The following YIPF5 variants were observed in gnomAD, a reference collection of about 807,000 sequenced individuals.
YIPF5 encodes the protein protein YIPF5.
YIPF5 carries 8 observed loss-of-function variants against 30.4 expected under a neutral mutation model. The ratio of observed to expected loss-of-function variants is 0.26; its 90% CI spans 0.15 to 0.47. The LOEUF (loss-of-function observed/expected upper bound fraction) is 0.47. Among genes scored for constraint, YIPF5 ranks in the 20% least tolerant of loss-of-function variants. YIPF5 has a pLI of 0.99. For synonymous variants in YIPF5, 104 were observed against 107.9 expected (o/e 0.96, Z 0.23); for missense variants, 282 against 301.8 (o/e 0.93, Z 0.49).
In YIPF5 at chr5:144,164,136, A is replaced by G; in HGVS notation, c.404T>C (p.Leu135Pro). ...CAGTAGCAATGTGGCTCCAAAAGCA[A>G]GGCAAAAAACCATTGGACCTGCCAA... is the stretch of plus-strand genomic sequence containing the variant. Reference protein sequence around the residue: ...TDLAGPMVFCLAFGATLLLAG... With the variant: ...TDLAGPMVFCPAFGATLLLAG... The change falls in exon 4 of 6, where the codon CTT becomes CCT. Residue 135 changes from leucine to proline, a missense_variant. Physicochemically the swap from Leu to Pro is moderately conservative, Grantham distance 98 (BLOSUM62 -3). Transcript: ENST00000274496. The G allele has an allele frequency of 6.2e-7, 1 of 1,612,772 alleles. No individual in the cohort carries two copies. The highest frequency in any genetic ancestry group is 8.5e-7 in the Non-Finnish European group (1 of 1,179,552).
chr5:144,160,626 C>G (rs951461981), intron 5 of YIPF5, 67 bp from the exon 6 acceptor site: 1 of 1,273,466 alleles, frequency 7.9e-7, no homozygotes, highest in Non-Finnish European at 1.1e-6. Flanking sequence ...TGTAAGAATA[C>G]TACAATAACC....
intron 5 of YIPF5, 113 bp from the exon 6 acceptor site, chr5:144,160,672 G>T: frequency 2.2e-6 from 2 of 903,316 alleles, no homozygotes; most frequent in Non-Finnish European, 1.5e-6. Flanking sequence ...TTTTAAATCT[G>T]CAAGTAGACA....
At chr5:144,166,223 T>C (rs769475076) in intron 2 of YIPF5, among the ~76,000 whole-genome samples, 4 of 152,316 alleles carry the variant, frequency 2.6e-5, no homozygotes, top group African/African-American at 4.8e-5. Flanking sequence ...TGCATTTGAA[T>C]AGTACTTTAG....
Position 144,158,562 on chromosome 5 carries a change from A to G in YIPF5, c.*1835T>C. 8 of 1,160,876 alleles carry G rather than the reference A, an allele frequency of 6.9e-6. No homozygotes were observed. In the South Asian group the frequency reaches 1.3e-4, roughly 20 times the overall value. The allele number at this position is 1,160,876 out of a possible 1,614,324, so 71.9% of individuals were successfully genotyped here. On this transcript the variant is annotated 3_prime_UTR_variant, in exon 6 of 6. Coordinates refer to ENST00000274496, the MANE Select transcript of YIPF5 (RefSeq NM_030799.9). ...TCTACCGTTTATTAGCAATATTTGG[A>G]TATTAAGGGAAGACATTTGCCTTAA...
intron 4 of YIPF5, among the ~76,000 whole-genome samples, chr5:144,163,554 A>G (rs1752111235): frequency 6.6e-6 from 1 of 152,182 alleles, no homozygotes; most frequent in South Asian, 2.1e-4. Flanking sequence ...TAAAAATCCC[A>G]TCTTCCGTAT....
At chr5:144,167,634 G>A (rs975600277) in intron 2 of YIPF5, among the ~76,000 whole-genome samples, 5 of 151,254 alleles carry the variant, frequency 3.3e-5, no homozygotes, top group African/African-American at 1.2e-4. Flanking sequence ...ATGATCAAAG[G>A]GCCTTTTATA....
rs1478576636 is a variant in YIPF5 at position 144,158,915 on chromosome 5, A to T, written c.*1482T>A. 5.7e-5 allele frequency: 11 copies of T among 193,132 alleles called. No individual in the cohort carries two copies. The highest frequency in any genetic ancestry group is 1.8e-4 in the African/African-American group (3 of 16,624). The allele number at this position is 193,132 out of a possible 1,614,324, so 12.0% of individuals were successfully genotyped here. A position where few individuals can be genotyped will look rare whatever the true frequency, so the allele number is the denominator to read the frequency against. ...TTCTATTTAGTCTGAAAATCTCTTT[A>T]AAAAAAAAAAAAAGGCAGTATTTTC... is the stretch of plus-strand genomic sequence containing the variant. On this transcript the variant is annotated 3_prime_UTR_variant, in exon 6 of 6. Coordinates refer to ENST00000274496, the MANE Select transcript of YIPF5 (RefSeq NM_030799.9).
intron 4 of YIPF5, 50 bp downstream of exon 4, chr5:144,164,061 T>A: frequency 6.3e-7 from 1 of 1,594,894 alleles, no homozygotes; most frequent in Non-Finnish European, 8.5e-7. Context: ...CATTTAAAAT[T>A]TAAAGGCTGT....
In YIPF5 at chr5:144,159,075, G is replaced by T; in HGVS notation, c.*1322C>A. The T allele has an allele frequency of 1.0e-6, 1 of 983,124 alleles. No homozygotes were observed. Among genetic ancestry groups the T allele is most frequent in the Non-Finnish European group, 1.2e-6 (1 of 827,934 alleles). 60.9% of individuals were successfully genotyped at this position (983,124 alleles called of 1,614,324 possible). ...CAGATTCTCTCTGGCAAGAGAACAT[G>T]ACAATATAAATCAAATAAATTTAAT... is the stretch of plus-strand genomic sequence containing the variant. On this transcript the variant is annotated 3_prime_UTR_variant, in exon 6 of 6. Transcript: ENST00000274496.
At position 144,159,209 on chromosome 5, in the gene YIPF5, T is replaced by C. The variant is rs930643036; in HGVS notation, c.*1188A>G. 40 of 984,470 alleles carry C rather than the reference T, an allele frequency of 4.1e-5. No individual in the cohort carries two copies. Among genetic ancestry groups the C allele is most frequent in the Non-Finnish European group, 4.1e-5 (34 of 829,186 alleles). 61.0% of individuals were successfully genotyped at this position (984,470 alleles called of 1,614,324 possible). On this transcript the variant is annotated 3_prime_UTR_variant, in exon 6 of 6. Transcript: ENST00000274496. Reference sequence around the variant, plus strand: ...TAAATTAGGGGTCAAAATCAGAGCCTAGTTAAAAAAGAGACAAAGAGAACA... The same window carrying C: ...TAAATTAGGGGTCAAAATCAGAGCCCAGTTAAAAAAGAGACAAAGAGAACA...
rs1433932543 is a variant in YIPF5 at position 144,159,617 on chromosome 5, T to A, written c.*780A>T. On this transcript the variant is annotated 3_prime_UTR_variant, in exon 6 of 6. Coordinates refer to ENST00000274496, the MANE Select transcript of YIPF5 (RefSeq NM_030799.9). The stretch of plus-strand genomic sequence containing the variant: ...CATACTCTACATTTGGATCACTTTT[T>A]TGCTTTGAGTTACCTGACTTGAGAA... 7 of 985,394 alleles carry A rather than the reference T, an allele frequency of 7.1e-6. No individual in the cohort carries two copies. The highest frequency in any genetic ancestry group is 8.4e-6 in the Non-Finnish European group (7 of 829,922). 61.0% of individuals were successfully genotyped at this position (985,394 alleles called of 1,614,324 possible). A position where few individuals can be genotyped will look rare whatever the true frequency, so the allele number is the denominator to read the frequency against.
intron 5 of YIPF5, among the ~76,000 whole-genome samples, chr5:144,161,144 T>G (rs1294750569): frequency 6.6e-6 from 1 of 152,170 alleles, no homozygotes; most frequent in Non-Finnish European, 1.5e-5. Context: ...GCCAAATTTC[T>G]TGTATTGGAT....
intron 5 of YIPF5, among the ~76,000 whole-genome samples, chr5:144,161,333 C>CTTTTTT (rs57703406): frequency 1.5e-5 from 1 of 64,646 alleles, no homozygotes; most frequent in Non-Finnish European, 2.7e-5. Flanking sequence ...CCTTTCCTTC[C>CTTTTTT]TTTTTTTTTT....
At chr5:144,166,721 G>GTAAT (rs534697279) in intron 2 of YIPF5, among the ~76,000 whole-genome samples, 369 of 152,276 alleles carry the variant, frequency 2.4e-3, no homozygotes, top group African/African-American at 8.5e-3. Flanking sequence ...CGTAGAGGCA[G>GTAAT]TAATTGTACT....
At chr5:144,164,000 C>T (rs1383080950) in intron 4 of YIPF5, 111 bp downstream of exon 4, 1 of 1,352,032 alleles carries the variant, frequency 7.4e-7, no homozygotes, top group African/African-American at 1.5e-5. Context: ...ATTCCAAACA[C>T]ATCAAAGACT....
intron 3 of YIPF5, among the ~76,000 whole-genome samples, chr5:144,164,748 T>C (rs1481414599): frequency 6.6e-6 from 1 of 152,034 alleles, no homozygotes; most frequent in Non-Finnish European, 1.5e-5. Context: ...TTCAATGTGG[T>C]GCTCATCCCA....
In YIPF5 at chr5:144,159,745, C is replaced by T. The variant is rs1429270469; in HGVS notation, c.*652G>A. 1.1e-6 allele frequency: 1 copy of T among 930,064 alleles called. No homozygotes were observed. Among genetic ancestry groups the T allele is most frequent in the Non-Finnish European group, 1.3e-6 (1 of 782,408 alleles). 57.6% of individuals were successfully genotyped at this position (930,064 alleles called of 1,614,324 possible). ...TTTGAGACAGAGTCTCACCCTGTCA[C>T]CCAGGCTGGATGGAGTGCAGTGGTG... On this transcript the variant is annotated 3_prime_UTR_variant, in exon 6 of 6. Coordinates refer to ENST00000274496, the MANE Select transcript of YIPF5 (RefSeq NM_030799.9).
rs373421972 is a variant in YIPF5, at chr5:144,162,193, C to T, written c.611+25G>A. ...TACTACATAGAATTGGTCAATCAAC[C>T]CCCAAAATAAAGAACAGTACTTACT... On this transcript the variant is annotated intron_variant, in intron 5 of 5. Transcript: ENST00000274496. The T allele has an allele frequency of 1.6e-4, 259 of 1,604,288 alleles. No homozygotes were observed. In the African/African-American group the frequency reaches 3.2e-3, roughly 20 times the overall value.
intron 5 of YIPF5, among the ~76,000 whole-genome samples, 183 bp from the exon 6 acceptor site, chr5:144,160,742 C>T (rs190137729): frequency 1.1e-3 from 167 of 151,926 alleles, no homozygotes; most frequent in African/African-American, 3.8e-3. Flanking sequence ...ACAGTAAATT[C>T]AATGATGGTG....
Sources: allele counts gnomAD v4.1 joint callset (sites outside exome capture counted in the v4.1 genomes callset), GRCh38; gene constraint gnomAD v4.1.1; transcripts MANE v1.5; gene names NCBI Gene and HGNC (gene_info 2026-07-23, HGNC 2026-07-21).